ASIC2: variants seen among roughly 807,000 people sequenced by gnomAD.
ASIC2 encodes the protein acid-sensing ion channel 2.
Under a neutral mutation model 57.3 loss-of-function variants are expected in ASIC2, and 25 were observed. That is an observed-to-expected ratio of 0.44 (90% confidence interval 0.32 to 0.61). The LOEUF (loss-of-function observed/expected upper bound fraction) is 0.61, where lower values mean the gene tolerates loss of function less well. Among genes scored for constraint, ASIC2 ranks in the 20% least tolerant of loss-of-function variants. The pLI, the probability that ASIC2 is intolerant of heterozygous loss-of-function variation, is 0.06. For synonymous variants in ASIC2, 319 were observed against 307.5 expected (o/e 1.04, Z -0.39); for missense variants, 641 against 738.1 (o/e 0.87, Z 1.52).
At chr17:34,012,100 A>G (rs1906788426) in intron 1 of ASIC2, among the ~76,000 whole-genome samples, 3 of 152,096 alleles carry the variant, frequency 2.0e-5, no homozygotes, top group Admixed American at 2.0e-4. Context: ...GCCTGACACC[A>G]AGCCAGGGGG....
At chr17:33,767,965 G>A (rs1055539330) in intron 1 of ASIC2, among the ~76,000 whole-genome samples, 1 of 152,006 alleles carries the variant, frequency 6.6e-6, no homozygotes, top group African/African-American at 2.4e-5. Context: ...AAACTATGTG[G>A]GAACATAGCT....
At position 33,861,503 on chromosome 17, in the gene ASIC2, C is replaced by T. The variant is rs144209947; in HGVS notation, c.555+294475G>A. On this transcript the variant is annotated intron_variant, in intron 1 of 9. Coordinates refer to the ASIC2 transcript ENST00000359872. ...GAAGACTGAGGCTTGCTGAGGTTTA[C>T]GCATCTAATAACTAAGAATTTCATT... Among the ~76,000 whole-genome samples, 5 of 152,212 alleles carry T rather than the reference C, an allele frequency of 3.3e-5. No homozygotes were observed. In the East Asian group the frequency reaches 7.7e-4, roughly 24 times the overall value.
chr17:33,225,991 A>G (rs1013673373), intron 1 of ASIC2, among the ~76,000 whole-genome samples: 2 of 152,196 alleles, frequency 1.3e-5, no homozygotes, highest in East Asian at 1.9e-4. Flanking sequence ...GCCAGGCAGT[A>G]TCATAAAGAT....
rs1202749432 is a variant in ASIC2, at chr17:33,253,227, G to C, written c.708+38181C>G. Among the ~76,000 whole-genome samples the C allele has an allele frequency of 2.6e-5, 4 of 152,192 alleles. No individual in the cohort carries two copies. The East Asian group carries it at 7.7e-4, about 29-fold the overall frequency. ...TGGAGTTCAAATGCAGGTCCACATA[G>C]TGTTTTCAGCTATGTGCAACACTGC... On this transcript the variant is annotated intron_variant, in intron 1 of 9. Transcript: ENST00000225823.
At chr17:33,312,350 T>C (rs1906464049) in intron 1 of ASIC2, among the ~76,000 whole-genome samples, 1 of 152,206 alleles carries the variant, frequency 6.6e-6, no homozygotes, top group South Asian at 2.1e-4. Context: ...TTCTCTGTAA[T>C]GAGAGAATTT....
intron 3 of ASIC2, among the ~76,000 whole-genome samples, chr17:33,033,008 G>A (rs998274965): frequency 2.0e-5 from 3 of 152,118 alleles, no homozygotes; most frequent in Admixed American, 6.5e-5. Flanking sequence ...GGTGGCTCAT[G>A]CCTGTAATCC....
At chr17:33,278,380 G>T (rs143782637) in intron 1 of ASIC2, among the ~76,000 whole-genome samples, 1 of 152,066 alleles carries the variant, frequency 6.6e-6, no homozygotes, top group East Asian at 1.9e-4. Context: ...AGGCATGGTG[G>T]TGCGTCTCTG....
chr17:33,429,962 C>G (rs1480897568), intron 1 of ASIC2, among the ~76,000 whole-genome samples: 1 of 152,138 alleles, frequency 6.6e-6, no homozygotes. Flanking sequence ...GGAATCACTA[C>G]CTTCAAAATA....
intron 1 of ASIC2, among the ~76,000 whole-genome samples, chr17:33,806,079 C>T (rs991810947): frequency 5.3e-5 from 8 of 150,392 alleles, no homozygotes; most frequent in African/African-American, 2.0e-4. Context: ...CAGGGGCTCC[C>T]ATGTCCCAGC....
chr17:33,464,697 A>ATATATT lies in ASIC2; in HGVS notation c.556-352631_556-352630insAATATA, dbSNP rs1555536106. On this transcript the variant is annotated intron_variant, in intron 1 of 9. Coordinates refer to the ASIC2 transcript ENST00000359872. ...TCTCTCTCTCTCTCTCTATATATAT[A>ATATATT]TATATATGTATATATATGTATATAA... Among the ~76,000 whole-genome samples, 1,019 of 137,184 alleles carry ATATATT rather than the reference A, an allele frequency of 7.4e-3. 37 individuals carry two copies. The East Asian group carries it at 0.09, about 12-fold the overall frequency. 90.0% of individuals were successfully genotyped at this position (137,184 alleles called of 152,430 possible).
intron 1 of ASIC2, among the ~76,000 whole-genome samples, chr17:33,888,689 T>C (rs868103547): frequency 3.9e-5 from 6 of 152,022 alleles, no homozygotes; most frequent in African/African-American, 1.4e-4. Context: ...CAAGTGATAA[T>C]GTAGGTGCCC....
intron 1 of ASIC2, among the ~76,000 whole-genome samples, chr17:33,812,512 A>G (rs1002530909): frequency 2.6e-5 from 4 of 152,072 alleles, no homozygotes; most frequent in African/African-American, 9.7e-5. Context: ...CAGGGTGGGG[A>G]GGATTACTCA....
intron 1 of ASIC2, among the ~76,000 whole-genome samples, chr17:33,139,021 G>A (rs946776025): frequency 6.6e-6 from 1 of 152,090 alleles, no homozygotes; most frequent in Non-Finnish European, 1.5e-5. Context: ...TCTCATGTCT[G>A]GGCCTCATTT....
intron 1 of ASIC2, among the ~76,000 whole-genome samples, chr17:33,846,464 T>C (rs1219464855): frequency 2.6e-5 from 4 of 152,202 alleles, no homozygotes; most frequent in African/African-American, 9.6e-5. Flanking sequence ...ATTGGCCTTG[T>C]TCTGTTGAAT....
intron 1 of ASIC2, chr17:33,792,746 G>A (rs371597685): frequency 2.0e-5 from 3 of 152,292 alleles, no homozygotes; most frequent in East Asian, 1.9e-4. Flanking sequence ...AGGTGCCGTG[G>A]GCCGAGTGGC....
At chr17:33,099,255 G>A (rs142820745) in intron 2 of ASIC2, among the ~76,000 whole-genome samples, 4,707 of 152,060 alleles carry the variant, frequency 0.031, 96 homozygotes, top group South Asian at 0.049. Context: ...GACCTCAGGC[G>A]ATCCACCTGC....
intron 1 of ASIC2, among the ~76,000 whole-genome samples, chr17:33,859,137 A>G (rs934366708): frequency 6.6e-6 from 1 of 152,260 alleles, no homozygotes; most frequent in Non-Finnish European, 1.5e-5. Flanking sequence ...TTAAAGCAGC[A>G]TGAAATAAGA....
intron 1 of ASIC2, among the ~76,000 whole-genome samples, chr17:33,753,160 T>C (rs1440093983): frequency 3.9e-5 from 6 of 152,202 alleles, no homozygotes; most frequent in Admixed American, 3.9e-4. Flanking sequence ...TAGAAAGACA[T>C]GGAGAATCCT....
chr17:34,117,793 A>C (rs1911472141), intron 1 of ASIC2, among the ~76,000 whole-genome samples: 1 of 152,150 alleles, frequency 6.6e-6, no homozygotes, highest in African/African-American at 2.4e-5. Flanking sequence ...TCTGGTTTGG[A>C]AGATCCACTA....
Sources: allele counts gnomAD v4.1 joint callset (sites outside exome capture counted in the v4.1 genomes callset), GRCh38; gene constraint gnomAD v4.1.1; transcripts MANE v1.5; gene names NCBI Gene and HGNC (gene_info 2026-07-23, HGNC 2026-07-21).